The following ARID1A variants were observed in gnomAD, a reference collection of about 807,000 sequenced individuals.
ARID1A encodes AT-rich interactive domain-containing protein 1A.
Under a neutral mutation model 212.6 loss-of-function variants are expected in ARID1A, and 20 were observed. That is an observed-to-expected ratio of 0.09 (90% confidence interval 0.07 to 0.14). The LOEUF is 0.14. Ranked by LOEUF, ARID1A falls within the 10% of genes least tolerant of loss-of-function variation. The pLI is 1.00. For missense variants in ARID1A, 2,587 were observed against 3,059.0 expected (o/e 0.85, Z 3.64); for synonymous variants, 1,376 against 1,222.1 (o/e 1.13, Z -2.63).
Position 26,771,258 on chromosome 1 carries a change from C to T in ARID1A, c.3338C>T (p.Pro1113Leu). 6.2e-7 allele frequency: 1 copy of T among 1,614,216 alleles called. No homozygotes were observed. Among genetic ancestry groups the T allele is most frequent in the Non-Finnish European group, 8.5e-7 (1 of 1,180,042 alleles). The change falls in exon 12 of 20, where the codon CCT becomes CTT. Residue 1113 changes from proline to leucine, a missense_variant. By Grantham distance (98) the Pro-to-Leu change is moderately conservative (BLOSUM62 -3). Transcript: ENST00000324856. This position sits in a 1 kb window ranked among gnomAD's most constrained non-coding sequence, Gnocchi z 5.4. The stretch of plus-strand genomic sequence containing the variant: ...TGCAAGATTGAACGGGGAGAAGACC[C>T]TCCCCCAGACATCTTTGCAGCTGCT... ...FECKIERGED[P>L]PPDIFAAADS...
intron 1 of ARID1A, chr1:26,727,995 T>G (rs1335936299): frequency 6.6e-6 from 1 of 152,220 alleles, no homozygotes; most frequent in Non-Finnish European, 1.5e-5. Context: ...TAAGTAACCC[T>G]AAAATCTATG....
At chr1:26,700,537 A>G (rs1162870198) in intron 1 of ARID1A, among the ~76,000 whole-genome samples, 2 of 152,220 alleles carry the variant, frequency 1.3e-5, no homozygotes, top group Non-Finnish European at 2.9e-5. Flanking sequence ...ACACACATGA[A>G]GTTGATTTAA....
chr1:26,760,942 C>T lies in ARID1A; in HGVS notation c.2007C>T (p.Ser669=), dbSNP rs2124054948. 1 of 1,614,068 alleles carries T rather than the reference C, an allele frequency of 6.2e-7. No individual in the cohort carries two copies. Among genetic ancestry groups the T allele is most frequent in the Non-Finnish European group, 8.5e-7 (1 of 1,180,016 alleles). ...PGVSTSGISS[S]QGEQSNPAQS... ...TGAGCACATCAGGGATTTCCAGCAGCCAAGGAGAGCAGAGTAATCCAGCTC... is the reference window on the plus strand; with the variant it reads ...TGAGCACATCAGGGATTTCCAGCAGTCAAGGAGAGCAGAGTAATCCAGCTC... The change falls in exon 5 of 20, where the codon AGC becomes AGT. Residue 669 remains serine (S), a synonymous_variant. Coordinates refer to ENST00000324856, the MANE Select transcript of ARID1A (RefSeq NM_006015.6).
At position 26,707,201 on chromosome 1, in the gene ARID1A, T is replaced by TA. The variant is rs1491210266; in HGVS notation, c.1137+9661_1137+9662insA. ...GGCATGCGCCACCGCGGCTGGCTAA[T>TA]TTTTTTTTTTTTTTTTTTTTTTTTT... On this transcript the variant is annotated intron_variant, in intron 1 of 19. Transcript: ENST00000324856. 4.4e-5 allele frequency among the ~76,000 whole-genome samples: 4 copies of TA among 90,282 alleles called. No homozygotes were observed. The East Asian group carries it at 8.0e-4, about 18-fold the overall frequency. 59.2% of individuals were successfully genotyped at this position (90,282 alleles called of 152,430 possible).
chr1:26,731,205 T>G lies in ARID1A; in HGVS notation c.1404T>G (p.Thr468=). Residue 468 remains threonine (T), a synonymous_variant, in exon 3 of 20, where the codon ACT becomes ACG. Transcript: ENST00000324856. ...GCGGGTATGGTCAACAGGGCCAGAC[T>G]CCATATTACAACCAGCAAAGTCCTC... ...GPSGYGQQGQ[T]PYYNQQSPHP... 5 of 1,613,898 alleles carry G rather than the reference T, an allele frequency of 3.1e-6. No individual in the cohort carries two copies. The highest frequency in any genetic ancestry group is 4.2e-6 in the Non-Finnish European group (5 of 1,179,956).
chr1:26,731,758 C>G (rs1462351991), intron 3 of ARID1A, among the ~76,000 whole-genome samples, 154 bp downstream of exon 3: 2 of 152,164 alleles, frequency 1.3e-5, no homozygotes, highest in Non-Finnish European at 1.5e-5. Context: ...ATTGATTGAA[C>G]TAATAAAGGC....
At chr1:26,731,882 A>T (rs1017615697) in intron 3 of ARID1A, among the ~76,000 whole-genome samples, 27 of 152,026 alleles carry the variant, frequency 1.8e-4, no homozygotes, top group African/African-American at 6.5e-4. Context: ...TGGTTTTTTT[A>T]TTTTATTTTA....
chr1:26,717,542 T>C (rs1441044025), intron 1 of ARID1A, among the ~76,000 whole-genome samples: 1 of 152,230 alleles, frequency 6.6e-6, no homozygotes, highest in Non-Finnish European at 1.5e-5. Context: ...CTTCTGGTCT[T>C]AAGTGTATGG....
chr1:26,774,292 A>G lies in ARID1A; in HGVS notation c.4102-37A>G, dbSNP rs2124116679. The G allele has an allele frequency of 6.6e-7, 1 of 1,516,538 alleles. No homozygotes were observed. Among genetic ancestry groups the G allele is most frequent in the Non-Finnish European group, 8.8e-7 (1 of 1,133,032 alleles). The allele number at this position is 1,516,538 out of a possible 1,614,324, so 93.9% of individuals were successfully genotyped here. ...CTGTGGGCTTTATGTCCCTGAGTGC[A>G]GAGTATTAACTTCCCCTCTGCTTGT... On this transcript the variant is annotated intron_variant, in intron 17 of 19. Transcript: ENST00000324856. The surrounding 1 kb of genome is among the most constrained non-coding windows in gnomAD (Gnocchi z 5.6).
In ARID1A at chr1:26,774,727, G is replaced by A. The variant is rs774772700; in HGVS notation, c.4500G>A (p.Gly1500=). 3.1e-6 allele frequency: 5 copies of A among 1,614,264 alleles called. No individual in the cohort carries two copies. The highest frequency in any genetic ancestry group is 1.1e-5 in the South Asian group (1 of 91,086). ...EVAQQGTMWQ[G]RNDMTYNYAN... is the part of the protein sequence containing the mutation. ...CTCAGCAAGGCACCATGTGGCAGGG[G>A]CGTAATGACATGACCTATAATTATG... Residue 1500 remains glycine, a synonymous_variant, in exon 18 of 20, where the codon GGG becomes GGA. Coordinates refer to ENST00000324856, the MANE Select transcript of ARID1A (RefSeq NM_006015.6). The surrounding 1 kb of genome is among the most constrained non-coding windows in gnomAD (Gnocchi z 5.6).
chr1:26,773,220 CTGTTT>C, intron 14 of ARID1A, 121 bp from the exon 15 acceptor site: 1 of 1,391,778 alleles, frequency 7.2e-7, no homozygotes, highest in Non-Finnish European at 9.7e-7. Flanking sequence ...CTTTAGATCT[CTGTTT>C]TGAACTTGTC....
intron 1 of ARID1A, among the ~76,000 whole-genome samples, chr1:26,727,396 T>C (rs1377782955): frequency 6.6e-6 from 1 of 152,238 alleles, no homozygotes; most frequent in African/African-American, 2.4e-5. Context: ...GTTATGTGAA[T>C]TTAAATTAAT....
Position 26,774,394 on chromosome 1 carries a change from C to T in ARID1A, c.4167C>T (p.Tyr1389=), listed in dbSNP as rs1347268680. Residue 1389 remains tyrosine, a synonymous_variant, in exon 18 of 20, where the codon TAC becomes TAT. Transcript: ENST00000324856. The surrounding 1 kb of genome is among the most constrained non-coding windows in gnomAD (Gnocchi z 5.6). ...PPAKRHEGEM[Y]SVPYSTGQGQ... is the part of the protein sequence containing the mutation. Reference sequence around the variant, plus strand: ...CCAAGCGGCACGAAGGGGAGATGTACAGCGTGCCATACAGCACTGGGCAGG... The same window carrying T: ...CCAAGCGGCACGAAGGGGAGATGTATAGCGTGCCATACAGCACTGGGCAGG... 1 of 1,595,790 alleles carries T rather than the reference C, an allele frequency of 6.3e-7. No homozygotes were observed.
At chr1:26,762,349 A>T (rs368408740) in intron 7 of ARID1A, 30 bp downstream of exon 7, 1 of 1,599,724 alleles carries the variant, frequency 6.3e-7, no homozygotes, top group Non-Finnish European at 8.5e-7. Context: ...AGGAGTAGAT[A>T]CGGGTGAGAG....
chr1:26,715,250 T>G (rs2124768680), intron 1 of ARID1A, among the ~76,000 whole-genome samples: 1 of 152,304 alleles, frequency 6.6e-6, no homozygotes, highest in East Asian at 1.9e-4. Context: ...GGGAGGAGTA[T>G]TTTAGAAACT....
At chr1:26,711,032 T>G (rs989892381) in intron 1 of ARID1A, among the ~76,000 whole-genome samples, 1 of 152,018 alleles carries the variant, frequency 6.6e-6, no homozygotes, top group Non-Finnish European at 1.5e-5. Context: ...GTCATTTTCC[T>G]GGCATGTAGG....
At chr1:26,752,356 T>C (rs1430699536) in intron 4 of ARID1A, among the ~76,000 whole-genome samples, 1 of 152,224 alleles carries the variant, frequency 6.6e-6, no homozygotes, top group Non-Finnish European at 1.5e-5. Context: ...CTGTAACTTT[T>C]GGAGTCCCTA....
rs530093213 is a variant in ARID1A, at chr1:26,773,393, G to C, written c.3763G>C (p.Gly1255Arg). ...FMSSGQGPNG[G>R]MGDPYSRAAG... ...GTCCTCAGGGCAGGGCCCCAACGGC[G>C]GGATGGGTGACCCCTACAGTCGTGC... The change falls in exon 15 of 20, where the codon GGG becomes CGG. Residue 1255 changes from glycine to arginine, a missense_variant. Gly to Arg is a moderately radical substitution (Grantham distance 125). Transcript: ENST00000324856. The C allele has an allele frequency of 6.2e-7, 1 of 1,612,636 alleles. No individual in the cohort carries two copies. Among genetic ancestry groups the C allele is most frequent in the East Asian group, 2.2e-5 (1 of 44,876 alleles).
intron 1 of ARID1A, among the ~76,000 whole-genome samples, chr1:26,708,972 G>T (rs2080422596): frequency 6.6e-6 from 1 of 152,172 alleles, no homozygotes; most frequent in Admixed American, 6.5e-5. Flanking sequence ...TGGGATTACA[G>T]GTGTGAGCCA....
Sources: allele counts gnomAD v4.1 joint callset (sites outside exome capture counted in the v4.1 genomes callset), GRCh38; gene constraint gnomAD v4.1.1; non-coding constraint Gnocchi (gnomAD v3.1); transcripts MANE v1.5; gene names NCBI Gene and HGNC (gene_info 2026-07-23, HGNC 2026-07-21).